Variants in CDH13 observed in about 807,000 individuals in gnomAD.
CDH13 encodes the protein cadherin-13.
Under a neutral mutation model 63.8 loss-of-function variants are expected in CDH13, and 24 were observed. The ratio of observed to expected loss-of-function variants is 0.38; its 90% CI spans 0.27 to 0.53. The LOEUF is 0.53. CDH13 is among the 20% of genes least tolerant of loss of function. CDH13 has a pLI of 0.85. For synonymous variants in CDH13, 503 were observed against 355.3 expected (o/e 1.42, Z -4.67); for missense variants, 1,049 against 903.1 (o/e 1.16, Z -2.07).
intron 2 of CDH13, among the ~76,000 whole-genome samples, chr16:83,011,240 C>T (rs1914122970): frequency 6.6e-6 from 1 of 152,078 alleles, no homozygotes; most frequent in African/African-American, 2.4e-5. Context: ...GTTTCTCCCT[C>T]TATTAAGTGG....
chr16:83,404,846 G>A lies in CDH13; in HGVS notation c.781+59840G>A, dbSNP rs551459386. Among the ~76,000 whole-genome samples, 24 of 152,298 alleles carry A rather than the reference G, an allele frequency of 1.6e-4. No homozygotes were observed. In the South Asian group the frequency reaches 2.3e-3, roughly 14 times the overall value. On this transcript the variant is annotated intron_variant, in intron 6 of 13. Transcript: ENST00000567109. ...TCACCAACAGGATCTGTCGGACGCC[G>A]TGTATATAGTTCTTCCTCATTCTCT...
At chr16:83,288,969 C>T (rs1166520476) in intron 5 of CDH13, among the ~76,000 whole-genome samples, 2 of 152,204 alleles carry the variant, frequency 1.3e-5, no homozygotes, top group Non-Finnish European at 2.9e-5. Context: ...GTTACCTGGG[C>T]TCCCATTAAC....
At chr16:82,814,314 G>C (rs1229174665) in intron 1 of CDH13, among the ~76,000 whole-genome samples, 2 of 152,062 alleles carry the variant, frequency 1.3e-5, no homozygotes, top group East Asian at 3.9e-4. Context: ...CTTGTGCTGG[G>C]CTCCTGGATA....
intron 6 of CDH13, among the ~76,000 whole-genome samples, chr16:83,425,651 A>G (rs2071870872): frequency 1.3e-5 from 2 of 152,088 alleles, no homozygotes; most frequent in Admixed American, 1.3e-4. Flanking sequence ...GTCTTTAGTC[A>G]TCTCCTAGAA....
intron 7 of CDH13, among the ~76,000 whole-genome samples, chr16:83,549,911 G>C (rs1187082502): frequency 6.6e-6 from 1 of 152,172 alleles, no homozygotes; most frequent in East Asian, 1.9e-4. Context: ...CTCTGACGGA[G>C]GTTTTAACTG....
chr16:83,152,462 T>C (rs1254767454), intron 4 of CDH13, among the ~76,000 whole-genome samples: 1 of 152,190 alleles, frequency 6.6e-6, no homozygotes, highest in Non-Finnish European at 1.5e-5. Flanking sequence ...TTCACCAAAA[T>C]GTTGACAGTA....
chr16:83,334,855 C>T (rs74864991), intron 5 of CDH13, among the ~76,000 whole-genome samples: 4,161 of 152,242 alleles, frequency 0.027, 196 homozygotes, highest in African/African-American at 0.094. Flanking sequence ...CTTACCCACA[C>T]ATCGTGATGA....
intron 8 of CDH13, among the ~76,000 whole-genome samples, chr16:83,665,360 C>G (rs570685444): frequency 6.6e-6 from 1 of 152,206 alleles, no homozygotes; most frequent in Non-Finnish European, 1.5e-5. Flanking sequence ...CTAACAAATA[C>G]TGACTCCTTG....
At chr16:83,391,206 C>A (rs901658074) in intron 6 of CDH13, among the ~76,000 whole-genome samples, 1 of 146,326 alleles carries the variant, frequency 6.8e-6, no homozygotes, top group Non-Finnish European at 1.5e-5. Flanking sequence ...AACCTGCCTA[C>A]ACACTTTTTT....
At chr16:83,144,195 G>T (rs770349199) in intron 4 of CDH13, among the ~76,000 whole-genome samples, 8 of 152,148 alleles carry the variant, frequency 5.3e-5, no homozygotes, top group East Asian at 1.9e-4. Context: ...TGTGGTAAGT[G>T]ATTCTGAAGG....
At chr16:83,510,962 C>T (rs1248113828) in intron 7 of CDH13, among the ~76,000 whole-genome samples, 1 of 152,232 alleles carries the variant, frequency 6.6e-6, no homozygotes, top group Non-Finnish European at 1.5e-5. Context: ...CCTATTCTGT[C>T]ATGTAAGGAC....
At chr16:82,785,694 C>CT (rs1295894376) in intron 1 of CDH13, among the ~76,000 whole-genome samples, 2 of 152,178 alleles carry the variant, frequency 1.3e-5, no homozygotes, top group African/African-American at 4.8e-5. Context: ...TCTTTCCTTT[C>CT]TTTTAGAAAA....
intron 1 of CDH13, among the ~76,000 whole-genome samples, chr16:82,856,768 T>C (rs1386209834): frequency 7.9e-6 from 1 of 126,374 alleles, no homozygotes; most frequent in African/African-American, 3.0e-5. Flanking sequence ...CAATAGGGAA[T>C]GAGGAAATAA....
At chr16:83,387,324 C>T (rs1378797766) in intron 6 of CDH13, among the ~76,000 whole-genome samples, 2 of 152,286 alleles carry the variant, frequency 1.3e-5, no homozygotes, top group African/African-American at 2.4e-5. Flanking sequence ...TCTTATTCTC[C>T]ACTGAGAACT....
intron 6 of CDH13, among the ~76,000 whole-genome samples, chr16:83,427,108 G>C (rs1007541103): frequency 1.3e-5 from 2 of 151,046 alleles, no homozygotes; most frequent in Non-Finnish European, 3.0e-5. Flanking sequence ...TTGTATTTTG[G>C]GTAGAGACGG....
intron 1 of CDH13, chr16:82,829,411 C>T (rs1358861091): frequency 6.6e-6 from 1 of 152,090 alleles, no homozygotes; most frequent in Admixed American, 6.5e-5. Flanking sequence ...GGGCTTGAAA[C>T]ACCTTCCAGG....
At chr16:83,423,753 GT>G (rs2071791150) in intron 6 of CDH13, among the ~76,000 whole-genome samples, 1 of 152,170 alleles carries the variant, frequency 6.6e-6, no homozygotes, top group Non-Finnish European at 1.5e-5. Flanking sequence ...TGTGTTTCTG[GT>G]TGTGGGGACT....
At chr16:82,916,084 A>C (rs1323639440) in intron 2 of CDH13, among the ~76,000 whole-genome samples, 3 of 152,200 alleles carry the variant, frequency 2.0e-5, no homozygotes, top group Non-Finnish European at 4.4e-5. Flanking sequence ...AAATGCCTCC[A>C]GACTACATTC....
At chr16:83,309,886 G>A (rs942833665) in intron 5 of CDH13, among the ~76,000 whole-genome samples, 1 of 151,842 alleles carries the variant, frequency 6.6e-6, no homozygotes, top group African/African-American at 2.4e-5. Context: ...TTGTGAGGTA[G>A]TGATTTATAT....
Sources: allele counts gnomAD v4.1 joint callset (sites outside exome capture counted in the v4.1 genomes callset), GRCh38; gene constraint gnomAD v4.1.1; transcripts MANE v1.5; gene names NCBI Gene and HGNC (gene_info 2026-07-23, HGNC 2026-07-21).